The following NFIA variants were observed in gnomAD, a reference collection of about 807,000 sequenced individuals.
The protein encoded by NFIA is nuclear factor I A.
A neutral mutation model predicts 62.8 loss-of-function variants in NFIA; 8 were observed. That is an observed-to-expected ratio of 0.13 (90% CI 0.07 to 0.23). The LOEUF is 0.23. Ranked by LOEUF, NFIA falls within the 10% of genes least tolerant of loss-of-function variation. The pLI is 1.00. For missense variants in NFIA, 410 were observed against 642.1 expected (o/e 0.64, Z 3.91); for synonymous variants, 235 against 238.1 (o/e 0.99, Z 0.12).
chr1:61,359,697 G>C (rs564824723), intron 6 of NFIA, among the ~76,000 whole-genome samples: 2 of 152,204 alleles, frequency 1.3e-5, no homozygotes, highest in South Asian at 4.2e-4. Flanking sequence ...TTCTGCCTCA[G>C]CCTCCCGAGT....
At chr1:61,353,482 C>A (rs1037063831) in intron 5 of NFIA, among the ~76,000 whole-genome samples, 20 of 152,154 alleles carry the variant, frequency 1.3e-4, no homozygotes, top group Admixed American at 3.9e-4. Flanking sequence ...TAGCACTGGA[C>A]TGTGACAACA....
intron 2 of NFIA, among the ~76,000 whole-genome samples, chr1:61,203,955 T>C (rs1557634753): frequency 1.3e-5 from 2 of 152,110 alleles, no homozygotes; most frequent in Non-Finnish European, 2.9e-5. Flanking sequence ...TCAGGGCAGA[T>C]ATTTAGGTGT....
intron 3 of NFIA, among the ~76,000 whole-genome samples, chr1:61,280,245 G>A (rs957050247): frequency 6.6e-6 from 1 of 152,198 alleles, no homozygotes; most frequent in Non-Finnish European, 1.5e-5. Context: ...CTGGTGTTGC[G>A]TTGATCAAGA....
intron 2 of NFIA, among the ~76,000 whole-genome samples, chr1:61,197,935 C>T (rs890544697): frequency 1.3e-5 from 2 of 151,858 alleles, no homozygotes; most frequent in South Asian, 4.2e-4. Flanking sequence ...GAGCCAAGAT[C>T]GTGCCATTGC....
At chr1:61,156,796 G>A (rs1648847468) in intron 2 of NFIA, among the ~76,000 whole-genome samples, 1 of 152,218 alleles carries the variant, frequency 6.6e-6, no homozygotes, top group South Asian at 2.1e-4. Context: ...GTTGAAGAAA[G>A]TACCAGCTTA....
intron 2 of NFIA, among the ~76,000 whole-genome samples, chr1:61,172,065 T>C (rs1342147608): frequency 6.6e-6 from 1 of 152,132 alleles, no homozygotes; most frequent in African/African-American, 2.4e-5. Context: ...TTCTAGAAAT[T>C]ACGGTTGGGT....
intron 5 of NFIA, among the ~76,000 whole-genome samples, chr1:61,354,848 C>G (rs533310369): frequency 1.3e-5 from 2 of 152,116 alleles, no homozygotes; most frequent in African/African-American, 4.8e-5. Context: ...GTCCCTTGAA[C>G]GACAGCGTCT....
intron 5 of NFIA, among the ~76,000 whole-genome samples, chr1:61,354,773 G>A (rs562961323): frequency 6.4e-4 from 97 of 152,264 alleles, no homozygotes; most frequent in Non-Finnish European, 8.1e-4. Flanking sequence ...AGTGTTTGCC[G>A]TCTTGAGTTA....
At chr1:61,366,711 TC>T (rs1269668597) in intron 6 of NFIA, among the ~76,000 whole-genome samples, 2 of 152,134 alleles carry the variant, frequency 1.3e-5, no homozygotes, top group Non-Finnish European at 2.9e-5. Context: ...TCACTTGAGG[TC>T]AGGAGTTTGA....
intron 3 of NFIA, among the ~76,000 whole-genome samples, chr1:61,296,791 C>G (rs1393936500): frequency 3.3e-5 from 5 of 151,898 alleles, no homozygotes; most frequent in African/African-American, 9.7e-5. Context: ...GAAAGAAAAC[C>G]TCTCATATAT....
chr1:61,257,897 T>C (rs1656526164), intron 2 of NFIA, among the ~76,000 whole-genome samples: 1 of 144,160 alleles, frequency 6.9e-6, no homozygotes, highest in Admixed American at 6.9e-5. Context: ...TTTTTTTTTT[T>C]CCTGAGACAG....
At chr1:61,348,861 C>T (rs1038629706) in intron 4 of NFIA, among the ~76,000 whole-genome samples, 5 of 152,270 alleles carry the variant, frequency 3.3e-5, no homozygotes, top group African/African-American at 1.2e-4. Context: ...AGGAATGAAA[C>T]GGCTTCTCCA....
At chr1:61,439,087 CA>C (rs1423705768) in intron 10 of NFIA, among the ~76,000 whole-genome samples, 5 of 151,322 alleles carry the variant, frequency 3.3e-5, no homozygotes, top group Non-Finnish European at 5.9e-5. Context: ...CACTGAACAT[CA>C]ATTACCTATC....
chr1:61,351,865 A>G (rs2100429000), intron 4 of NFIA, among the ~76,000 whole-genome samples: 1 of 152,354 alleles, frequency 6.6e-6, no homozygotes, highest in South Asian at 2.1e-4. Flanking sequence ...GGCCATGGCT[A>G]TGCTCCCGTA....
intron 2 of NFIA, among the ~76,000 whole-genome samples, chr1:61,256,228 T>A (rs190145617): frequency 1.3e-5 from 2 of 150,278 alleles, no homozygotes; most frequent in African/African-American, 4.9e-5. Flanking sequence ...AGGTCAGGAG[T>A]TCAAGACCAG....
chr1:61,250,122 C>T (rs1655931763), intron 2 of NFIA: 1 of 152,144 alleles, frequency 6.6e-6, no homozygotes, highest in Admixed American at 6.5e-5. Flanking sequence ...TGTCCTAGTC[C>T]TCTATGCTGA....
rs1455718005 is a variant in NFIA, at chr1:61,141,414, CA to C, written c.559+52735del. Among the ~76,000 whole-genome samples, 5 of 62,928 alleles carry C rather than the reference CA, an allele frequency of 7.9e-5. No individual in the cohort carries two copies. In the East Asian group the frequency reaches 8.3e-4, roughly 10 times the overall value. The allele number at this position is 62,928 out of a possible 152,430, so 41.3% of individuals were successfully genotyped here. On this transcript the variant is annotated intron_variant, in intron 2 of 10. Coordinates refer to ENST00000403491, the MANE Select transcript of NFIA (RefSeq NM_001134673.4). ...TCATCTTTGACTGGTCCCCTTTACT[CA>C]GGGGGAAAAAAAACCATGTCTTTTA...
chr1:61,386,422 G>A (rs1159819301), intron 7 of NFIA, among the ~76,000 whole-genome samples: 1 of 152,166 alleles, frequency 6.6e-6, no homozygotes, highest in Admixed American at 6.5e-5. Flanking sequence ...AGGTCCCCAG[G>A]GCATGGGGCA....
chr1:61,294,952 T>C (rs932189361), intron 3 of NFIA, among the ~76,000 whole-genome samples: 1 of 152,206 alleles, frequency 6.6e-6, no homozygotes, highest in Non-Finnish European at 1.5e-5. Context: ...CTTGTAGTTT[T>C]CCTTGCTATG....
Sources: allele counts gnomAD v4.1 joint callset (sites outside exome capture counted in the v4.1 genomes callset), GRCh38; gene constraint gnomAD v4.1.1; transcripts MANE v1.5; gene names NCBI Gene and HGNC (gene_info 2026-07-23, HGNC 2026-07-21).